DMD: variants seen among roughly 807,000 people sequenced by gnomAD.
The protein encoded by DMD is dystrophin.
A neutral mutation model predicts 330.1 loss-of-function variants in DMD; 63 were observed. The observed-to-expected ratio is 0.19, with a 90% CI of 0.16 to 0.24. The LOEUF (loss-of-function observed/expected upper bound fraction) is 0.24, where lower values mean the gene tolerates loss of function less well. DMD is among the 10% of genes least tolerant of loss of function. The probability of loss-of-function intolerance (pLI) is 1.00; values close to 1 mark genes in which losing one functional copy is unlikely to be tolerated. For missense variants in DMD, 3,344 were observed against 2,684.1 expected (o/e 1.25, Z -5.43); for synonymous variants, 1,223 against 959.8 (o/e 1.27, Z -5.07).
intron 18 of DMD, among the ~76,000 whole-genome samples, chrX:32,515,571 A>G (rs945716536): frequency 9.0e-6 from 1 of 111,443 alleles, no homozygotes; most frequent in African/African-American, 3.3e-5. Context: ...TTCATTACCA[A>G]TTTGCGTTAC....
chrX:33,237,170 C>CCCTCCCTCCCCTT (rs2052500040), intron 1 of DMD, among the ~76,000 whole-genome samples: 1 of 87,442 alleles, frequency 1.1e-5, no homozygotes, highest in African/African-American at 4.2e-5. Context: ...TTTCCTCCCT[C>CCCTCCCTCCCCTT]CCTCCCTCCC....
At chrX:31,259,694 T>G (rs770333313) in intron 63 of DMD, among the ~76,000 whole-genome samples, 89 of 112,074 alleles carry the variant, frequency 7.9e-4, no homozygotes, top group African/African-American at 2.9e-3. Flanking sequence ...AGACATTTAA[T>G]CATTTATAAT....
chrX:31,625,725 G>C (rs760859881), intron 55 of DMD, among the ~76,000 whole-genome samples: 12 of 111,237 alleles, frequency 1.1e-4, no homozygotes, highest in Non-Finnish European at 1.7e-4. Context: ...CTTGAGATTA[G>C]AAATAGAGAT....
At chrX:33,062,206 G>A (rs1603182855) in intron 1 of DMD, among the ~76,000 whole-genome samples, 1 of 111,805 alleles carries the variant, frequency 8.9e-6, no homozygotes, top group African/African-American at 3.2e-5. Flanking sequence ...TTTCATAAGG[G>A]CAAATTAAAA....
chrX:31,153,871 C>T (rs1017951147), intron 74 of DMD, among the ~76,000 whole-genome samples: 3 of 112,166 alleles, frequency 2.7e-5, no homozygotes, highest in African/African-American at 9.7e-5. Flanking sequence ...TTCTAAAAGC[C>T]AGAAATGGTT....
intron 17 of DMD, among the ~76,000 whole-genome samples, chrX:32,536,154 A>C (rs1467153983): frequency 9.4e-6 from 1 of 106,731 alleles, no homozygotes; most frequent in Non-Finnish European, 1.9e-5. Flanking sequence ...AGTGCCAGCT[A>C]CTTGGGAGGC....
At chrX:31,574,146 G>GTTTTTTTTTTTTT (rs749028855) in intron 55 of DMD, among the ~76,000 whole-genome samples, 1 of 75,988 alleles carries the variant, frequency 1.3e-5, no homozygotes, top group African/African-American at 4.8e-5. Flanking sequence ...TTTTTTTTTT[G>GTTTTTTTTTTTTT]TTTTTTTTTT....
chrX:31,813,076 T>C (rs2092511389), intron 50 of DMD, among the ~76,000 whole-genome samples: 1 of 111,731 alleles, frequency 9.0e-6, no homozygotes, highest in African/African-American at 3.2e-5. Context: ...TTGAGATATA[T>C]GAGAATACTG....
chrX:31,796,826 T>C (rs915441742), intron 50 of DMD, among the ~76,000 whole-genome samples: 9 of 111,176 alleles, frequency 8.1e-5, no homozygotes, highest in African/African-American at 3.0e-4. Context: ...GCTCATTCTG[T>C]TAGGTTCTGC....
chrX:31,801,337 G>T (rs1177286063), intron 50 of DMD, among the ~76,000 whole-genome samples: 1 of 110,655 alleles, frequency 9.0e-6, no homozygotes, highest in African/African-American at 3.3e-5. Flanking sequence ...AGCATGGGGG[G>T]AAACAAACCC....
intron 67 of DMD, among the ~76,000 whole-genome samples, chrX:31,192,776 A>G (rs1016122000): frequency 1.8e-5 from 2 of 112,221 alleles, no homozygotes; most frequent in African/African-American, 6.5e-5. Context: ...AAATAGTCTT[A>G]AAAAGACAGG....
chrX:32,778,657 C>T (rs775019921), intron 7 of DMD, among the ~76,000 whole-genome samples: 12 of 111,253 alleles, frequency 1.1e-4, no homozygotes, highest in Non-Finnish European at 2.3e-4. Context: ...TTTTATAGAC[C>T]TCCAATATTC....
chrX:33,192,178 T>C (rs1485644756), intron 1 of DMD, among the ~76,000 whole-genome samples: 1 of 112,140 alleles, frequency 8.9e-6, no homozygotes, highest in Admixed American at 9.5e-5. Flanking sequence ...TCACTTCACC[T>C]TCTTTGGCCT....
chrX:32,079,049 A>G (rs1237598307), intron 44 of DMD, among the ~76,000 whole-genome samples: 1 of 111,787 alleles, frequency 8.9e-6, no homozygotes, highest in Non-Finnish European at 1.9e-5. Flanking sequence ...TTCAGATGCT[A>G]TATAAACCCA....
At chrX:31,169,398 G>A in intron 74 of DMD, 45 bp downstream of exon 74, 1 of 1,041,779 alleles carries the variant, frequency 9.6e-7, no homozygotes, top group Non-Finnish European at 1.3e-6. Context: ...GTGTGCAAGT[G>A]TATGCACTCT....
intron 47 of DMD, among the ~76,000 whole-genome samples, chrX:31,884,461 A>G (rs897163838): frequency 9.0e-6 from 1 of 111,447 alleles, no homozygotes; most frequent in East Asian, 2.8e-4. Context: ...TCAGAGAAAC[A>G]GAGAAAAATG....
At chrX:33,115,803 C>G (rs188628811) in intron 1 of DMD, among the ~76,000 whole-genome samples, 3,195 of 110,306 alleles carry the variant, frequency 0.029, 127 homozygotes, top group African/African-American at 0.1. Flanking sequence ...GCCACTGCGC[C>G]CGGCCAAAAG....
intron 49 of DMD, among the ~76,000 whole-genome samples, chrX:31,831,233 A>G (rs2093022305): frequency 8.9e-6 from 1 of 112,319 alleles, no homozygotes; most frequent in Non-Finnish European, 1.9e-5. Context: ...ACAATGCCAT[A>G]TTACAAATAA....
intron 13 of DMD, among the ~76,000 whole-genome samples, chrX:32,575,869 T>A (rs1248734552): frequency 2.7e-5 from 3 of 111,866 alleles, no homozygotes; most frequent in Non-Finnish European, 5.6e-5. Flanking sequence ...AGCATCATAT[T>A]CATAAACAAA....
Sources: gnomAD v4.1 joint callset for allele counts (sites outside exome capture counted in the v4.1 genomes callset) on GRCh38, gnomAD v4.1.1 for gene constraint, MANE v1.5 for transcripts, NCBI Gene and HGNC (gene_info 2026-07-23, HGNC 2026-07-21) for gene names.